The following SERINC5 variants were observed in gnomAD, a reference collection of about 807,000 sequenced individuals.
SERINC5 encodes the protein chromosome 5 open reading frame 12.
A neutral mutation model predicts 63.1 loss-of-function variants in SERINC5; 41 were observed. That is an observed-to-expected ratio of 0.65 (90% CI 0.51 to 0.84). The LOEUF (loss-of-function observed/expected upper bound fraction) is 0.84. Among genes scored for constraint, SERINC5 ranks in the 40% least tolerant of loss-of-function variants. SERINC5 has a pLI of 0.00. For synonymous variants in SERINC5, 222 were observed against 215.2 expected (o/e 1.03, Z -0.28); for missense variants, 523 against 573.0 (o/e 0.91, Z 0.89).
chr5:80,145,720 A>C (rs1266025947), intron 11 of SERINC5, among the ~76,000 whole-genome samples: 1 of 152,202 alleles, frequency 6.6e-6, no homozygotes, highest in African/African-American at 2.4e-5. Flanking sequence ...GTTAAAACAT[A>C]CCCATCCACT....
At chr5:80,204,124 C>T (rs1173895355) in intron 1 of SERINC5, among the ~76,000 whole-genome samples, 1 of 152,164 alleles carries the variant, frequency 6.6e-6, no homozygotes, top group Non-Finnish European at 1.5e-5. Context: ...CTTCATCTGG[C>T]TGTTCATTTG....
At position 80,177,304 on chromosome 5, in the gene SERINC5, C is replaced by T. The variant is rs1192983602; in HGVS notation, c.457+11G>A. The T allele has an allele frequency of 1.9e-6, 3 of 1,584,382 alleles. No homozygotes were observed. Among genetic ancestry groups the T allele is most frequent in the South Asian group, 1.1e-5 (1 of 87,438 alleles). ...CAAAATAAACAGATACCCAAAATAC[C>T]CCATTAGTACCGTTCAGAAAGGTGT... On this transcript the variant is annotated intron_variant, in intron 4 of 11. Transcript: ENST00000507668.
In SERINC5 at chr5:80,150,943, G is replaced by A. The variant is rs767120405; in HGVS notation, c.992C>T (p.Thr331Ile). 3.7e-6 allele frequency: 6 copies of A among 1,612,384 alleles called. No homozygotes were observed. The highest frequency in any genetic ancestry group is 5.1e-6 in the Non-Finnish European group (6 of 1,178,548). Residue 331 changes from threonine (T) to isoleucine (I), a missense_variant, in exon 9 of 12, where the codon ACA (threonine) becomes ATA (isoleucine). Physicochemically the swap from Thr to Ile is moderately conservative, Grantham distance 89 (BLOSUM62 -1). Transcript: ENST00000507668. ...LIGCILYSCLTSTTRSSSDAL... is the reference protein window; with the variant it reads ...LIGCILYSCLISTTRSSSDAL... ...GTCAGAACTCGATCTTGTTGTTGAT[G>A]TCAAACTAAGAAACAGACAAAAACG...
chr5:80,198,432 C>A, intron 2 of SERINC5: 10 of 710,068 alleles, frequency 1.4e-5, no homozygotes, highest in Non-Finnish European at 1.7e-5. Flanking sequence ...AGGCCACATT[C>A]TGCAACCAAG....
chr5:80,252,920 C>G (rs1752494938), intron 1 of SERINC5, among the ~76,000 whole-genome samples: 1 of 152,216 alleles, frequency 6.6e-6, no homozygotes, highest in South Asian at 2.1e-4. Flanking sequence ...ACCAAAATGT[C>G]TCTCTCCGAC....
intron 2 of SERINC5, among the ~76,000 whole-genome samples, chr5:80,190,229 A>G (rs1420430561): frequency 6.7e-6 from 1 of 148,304 alleles, no homozygotes; most frequent in Non-Finnish European, 1.5e-5. Context: ...CTCCCATCTC[A>G]GCCTCCTGGA....
At chr5:80,184,698 A>C (rs1748690593) in intron 2 of SERINC5, among the ~76,000 whole-genome samples, 1 of 152,146 alleles carries the variant, frequency 6.6e-6, no homozygotes, top group Non-Finnish European at 1.5e-5. Context: ...GGCAAGGGGA[A>C]TTTGCTCCGA....
chr5:80,145,149 G>T (rs1376321898), intron 11 of SERINC5, among the ~76,000 whole-genome samples: 1 of 151,842 alleles, frequency 6.6e-6, no homozygotes, highest in Non-Finnish European at 1.5e-5. Context: ...GACCAGCCTA[G>T]CCAATATGGT....
At chr5:80,191,689 AAAAG>A (rs1380290170) in intron 2 of SERINC5, among the ~76,000 whole-genome samples, 1 of 150,548 alleles carries the variant, frequency 6.6e-6, no homozygotes, top group Non-Finnish European at 1.5e-5. Context: ...AAGAAAAAAA[AAAAG>A]ACTTTTTTTT....
At chr5:80,150,530 G>A (rs1746108365) in intron 9 of SERINC5, among the ~76,000 whole-genome samples, 1 of 152,066 alleles carries the variant, frequency 6.6e-6, no homozygotes, top group East Asian at 1.9e-4. Context: ...CTGCCACCAG[G>A]GTTCAAGTGA....
intron 1 of SERINC5, chr5:80,203,338 CAT>C (rs1749975945): frequency 6.5e-6 from 1 of 153,372 alleles, no homozygotes; most frequent in South Asian, 2.0e-4. Context: ...TACATATATA[CAT>C]ACACACATGC....
chr5:80,171,950 C>G (rs2112393355), intron 5 of SERINC5, among the ~76,000 whole-genome samples: 1 of 151,978 alleles, frequency 6.6e-6, no homozygotes, highest in Admixed American at 6.6e-5. Flanking sequence ...TAATGAATAG[C>G]CAACTACCTT....
chr5:80,186,962 C>A lies in SERINC5; in HGVS notation c.196-8898G>T, dbSNP rs1040185769. 4.2e-4 allele frequency among the ~76,000 whole-genome samples: 64 copies of A among 151,998 alleles called. 1 individual carries two copies. The highest frequency in any genetic ancestry group is 4.2e-3 in the Admixed American group (64 of 15,242). On this transcript the variant is annotated intron_variant, in intron 2 of 11. Transcript: ENST00000507668. ...CCTGAGGTCAGGAGTTCGAGACCAGCCTGGCTAACATGGTGAAACTCCATC... is the reference window on the plus strand; with the variant it reads ...CCTGAGGTCAGGAGTTCGAGACCAGACTGGCTAACATGGTGAAACTCCATC...
intron 7 of SERINC5, among the ~76,000 whole-genome samples, chr5:80,164,293 T>C (rs1747126801): frequency 6.6e-6 from 1 of 151,920 alleles, no homozygotes; most frequent in Non-Finnish European, 1.5e-5. Flanking sequence ...CAAACCACCT[T>C]TTTTTTGTTT....
Position 80,143,795 on chromosome 5 carries a change from G to A in SERINC5, c.1254C>T (p.Asn418=), listed in dbSNP as rs973232555. 1.0e-5 allele frequency: 16 copies of A among 1,536,030 alleles called. No homozygotes were observed. Among genetic ancestry groups the A allele is most frequent in the Admixed American group, 2.0e-5 (1 of 50,982 alleles). Residue 418 remains asparagine, a synonymous_variant, in exon 12 of 12, where the codon AAC becomes AAT. Transcript: ENST00000507668. ...VTNWFNYESA[N]IESFFSGSWS... is the part of the protein sequence containing the mutation. ...AGCTCCCGCTGAAGAAGCTCTCGAT[G>A]TTGGCACTTTCGTAGCTGTGGAAAC...
intron 1 of SERINC5, among the ~76,000 whole-genome samples, chr5:80,213,896 C>T (rs575832872): frequency 6.6e-6 from 1 of 152,260 alleles, no homozygotes; most frequent in South Asian, 2.1e-4. Context: ...TTGTCAATTC[C>T]TGGGAATACC....
rs749769195 is a variant in SERINC5, at chr5:80,150,887, A to G, written c.1048T>C (p.Leu350=). The change falls in exon 9 of 12, where the codon TTG becomes CTG. Residue 350 remains leucine, a synonymous_variant. Coordinates refer to ENST00000507668, the MANE Select transcript of SERINC5 (RefSeq NM_001174072.3). ...ALQGRYAAPE[L]EIARCCFCFS... is the part of the protein sequence containing the mutation. ...GGAAAAGGAAATGAACTTACCTCCA[A>G]TTCAGGAGCTGCGTATCGCCCCTGC... is the stretch of plus-strand genomic sequence containing the variant. 18 of 1,609,834 alleles carry G rather than the reference A, an allele frequency of 1.1e-5. No homozygotes were observed. The African/African-American group carries it at 2.1e-4, about 19-fold the overall frequency.
At chr5:80,175,116 C>T in intron 4 of SERINC5, 69 bp from the exon 5 acceptor site, 1 of 1,059,414 alleles carries the variant, frequency 9.4e-7, no homozygotes. Context: ...AGAATAACCA[C>T]AGCTAATTTT....
At chr5:80,211,521 C>T (rs775941760) in intron 1 of SERINC5, among the ~76,000 whole-genome samples, 2 of 152,218 alleles carry the variant, frequency 1.3e-5, no homozygotes, top group African/African-American at 2.4e-5. Context: ...TTGCTCTAAT[C>T]TAACTTCGAG....
Sources: gnomAD v4.1 joint callset for allele counts (sites outside exome capture counted in the v4.1 genomes callset) on GRCh38, gnomAD v4.1.1 for gene constraint, MANE v1.5 for transcripts, NCBI Gene and HGNC (gene_info 2026-07-23, HGNC 2026-07-21) for gene names.